ANO4: variants seen among roughly 807,000 people sequenced by gnomAD.
The protein encoded by ANO4 is anoctamin 4.
A neutral mutation model predicts 141.9 loss-of-function variants in ANO4; 69 were observed. The ratio of observed to expected loss-of-function variants is 0.49; its 90% CI spans 0.40 to 0.59. The LOEUF is 0.59. Ranked by LOEUF, ANO4 falls within the 20% of genes least tolerant of loss-of-function variation. The pLI, the probability that ANO4 is intolerant of heterozygous loss-of-function variation, is 0.00. For synonymous variants in ANO4, 350 were observed against 394.3 expected (o/e 0.89, Z 1.33); for missense variants, 894 against 1,162.2 (o/e 0.77, Z 3.36).
intron 20 of ANO4, 61 bp from the exon 21 acceptor site, chr12:101,097,787 A>G (rs2050042689): frequency 1.2e-6 from 2 of 1,606,544 alleles, no homozygotes; most frequent in Non-Finnish European, 1.7e-6. Context: ...TAGATTATAA[A>G]CCAGACACCC....
At chr12:100,916,314 A>G (rs944199871) in intron 2 of ANO4, among the ~76,000 whole-genome samples, 3 of 152,186 alleles carry the variant, frequency 2.0e-5, no homozygotes, top group East Asian at 3.8e-4. Flanking sequence ...GATCTATAAT[A>G]TGTCTTTCAC....
intron 1 of ANO4, among the ~76,000 whole-genome samples, chr12:100,859,502 A>G (rs1355631473): frequency 6.6e-6 from 1 of 152,192 alleles, no homozygotes; most frequent in Non-Finnish European, 1.5e-5. Context: ...TGTCCTGACT[A>G]ATACACTGAA....
In ANO4 at chr12:100,833,094, T is replaced by C. The variant is rs75040914; in HGVS notation, c.-141+38067T>C. 3.6e-3 allele frequency among the ~76,000 whole-genome samples: 542 copies of C among 152,198 alleles called. 22 individuals are homozygous for C. The East Asian group carries it at 0.09, about 25-fold the overall frequency. On this transcript the variant is annotated intron_variant, in intron 1 of 27. Coordinates refer to ENST00000392977, the MANE Select transcript of ANO4 (RefSeq NM_001286615.2). ...ATTTGTGAACACTAGAACTTCCATA[T>C]GGAAGGGACTGGGGGAGAGGATGCA...
intron 1 of ANO4, among the ~76,000 whole-genome samples, chr12:100,833,236 A>T (rs1265290447): frequency 6.6e-6 from 1 of 152,124 alleles, no homozygotes; most frequent in Non-Finnish European, 1.5e-5. Context: ...CAAAAGAATA[A>T]TTACTTCTTA....
At chr12:100,768,011 T>C (rs2033156791) in intron 3 of ANO4, among the ~76,000 whole-genome samples, 1 of 152,028 alleles carries the variant, frequency 6.6e-6, no homozygotes. Context: ...CCTGTCTCTG[T>C]GGGTGCCGCC....
At chr12:101,036,988 G>A in intron 9 of ANO4, 107 bp from the exon 10 acceptor site, 1 of 1,104,464 alleles carries the variant, frequency 9.1e-7, no homozygotes, top group African/African-American at 1.5e-5. Flanking sequence ...TAAGAGGGTT[G>A]ATAGCCTAGA....
chr12:100,960,004 A>C (rs1467195075), intron 5 of ANO4, among the ~76,000 whole-genome samples: 1 of 152,128 alleles, frequency 6.6e-6, no homozygotes, highest in South Asian at 2.1e-4. Context: ...AGGGACCCAG[A>C]TAACAGAAGC....
At chr12:100,860,120 T>C (rs1211101786) in intron 1 of ANO4, among the ~76,000 whole-genome samples, 1 of 152,170 alleles carries the variant, frequency 6.6e-6, no homozygotes, top group Non-Finnish European at 1.5e-5. Context: ...TTTAAAGCCT[T>C]ACTTAAGGAA....
At chr12:100,916,896 G>A (rs565109708) in intron 2 of ANO4, among the ~76,000 whole-genome samples, 2 of 151,568 alleles carry the variant, frequency 1.3e-5, no homozygotes, top group African/African-American at 4.8e-5. Flanking sequence ...GTATAAAAGT[G>A]CTTTGATGCC....
rs770492926 is a variant in ANO4 at position 100,971,006 on chromosome 12, C to T, written c.457-300C>T. ...CTGGGATTAAAGGCGTGAGCCACCA[C>T]GCCTGGCCTATCCTTGCTTTTCAAC... On this transcript the variant is annotated intron_variant, in intron 5 of 27. Coordinates refer to ENST00000392977, the MANE Select transcript of ANO4 (RefSeq NM_001286615.2). 2.0e-4 allele frequency among the ~76,000 whole-genome samples: 30 copies of T among 152,230 alleles called. 1 individual carries two copies. Among genetic ancestry groups the T allele is most frequent in the Non-Finnish European group, 2.9e-4 (20 of 68,042 alleles).
At chr12:100,803,614 T>G (rs1301874997) in intron 1 of ANO4, among the ~76,000 whole-genome samples, 6 of 152,170 alleles carry the variant, frequency 3.9e-5, no homozygotes, top group Admixed American at 2.0e-4. Flanking sequence ...GGAAAATGTC[T>G]CCTAGCGGTG....
rs10685175 is a variant in ANO4 at position 101,014,996 on chromosome 12, A to ATTTTTTTTTT, written c.735-5036_735-5027dup. On this transcript the variant is annotated intron_variant, in intron 8 of 27. Transcript: ENST00000392977. ...AGGTTCACACCACCACACCCAGCTAATTTTTTTTTTTGTAGAGATGGGGTC... is the reference window on the plus strand; with the variant it reads ...AGGTTCACACCACCACACCCAGCTAATTTTTTTTTTTTTTTTTTTTTGTAGAGATGGGGTC... Among the ~76,000 whole-genome samples, 179 of 143,572 alleles carry ATTTTTTTTTT rather than the reference A, an allele frequency of 1.2e-3. 8 individuals are homozygous for ATTTTTTTTTT. The highest frequency in any genetic ancestry group is 3.8e-3 in the Middle Eastern group (1 of 262). The allele number at this position is 143,572 out of a possible 152,430, so 94.2% of individuals were successfully genotyped here.
At chr12:100,906,136 A>G (rs572453292) in intron 2 of ANO4, among the ~76,000 whole-genome samples, 1 of 152,348 alleles carries the variant, frequency 6.6e-6, no homozygotes, top group African/African-American at 2.4e-5. Flanking sequence ...GTGTAGCTAC[A>G]TGAGTAAAGA....
Position 100,788,538 on chromosome 12 carries a change from C to T in ANO4, c.358+48433C>T, listed in dbSNP as rs182010784. Among the ~76,000 whole-genome samples the T allele has an allele frequency of 2.0e-3, 304 of 152,172 alleles. 1 individual carries two copies. Among genetic ancestry groups the T allele is most frequent in the Non-Finnish European group, 3.7e-3 (253 of 68,004 alleles). On this transcript the variant is annotated intron_variant, in intron 3 of 29. Coordinates refer to the ANO4 transcript ENST00000644049. Reference sequence around the variant, plus strand: ...TATTATGTATCTATATAAACTTGAACGTTGTTATACTACCCTGAGCTCCAT... The same window carrying T: ...TATTATGTATCTATATAAACTTGAATGTTGTTATACTACCCTGAGCTCCAT...
chr12:100,848,246 C>T (rs1169475575), intron 1 of ANO4, among the ~76,000 whole-genome samples: 2 of 152,016 alleles, frequency 1.3e-5, no homozygotes, highest in African/African-American at 2.4e-5. Flanking sequence ...TGGGATAGCC[C>T]AATAAAACCA....
chr12:100,856,421 T>C (rs556454426), intron 1 of ANO4, among the ~76,000 whole-genome samples: 1 of 152,290 alleles, frequency 6.6e-6, no homozygotes, highest in South Asian at 2.1e-4. Context: ...TTGTTTAGCA[T>C]CTGTTTGTAA....
intron 1 of ANO4, among the ~76,000 whole-genome samples, chr12:100,722,184 CT>C (rs1459377486): frequency 6.6e-6 from 1 of 152,062 alleles, no homozygotes; most frequent in African/African-American, 2.4e-5. Flanking sequence ...GTCCTTTTTC[CT>C]TAACATCTTT....
chr12:101,048,394 A>C lies in ANO4; in HGVS notation c.1305A>C (p.Ala435=). Residue 435 remains alanine, a synonymous_variant, in exon 14 of 28, where the codon GCA becomes GCC. Transcript: ENST00000392977. ...GATVFFAVFM[A]VWATVFLEFW... Reference sequence around the variant, plus strand: ...CTGTCTTCTTTGCTGTTTTCATGGCAGTCTGGGGTAAGTGTTCTATAACCA... The same window carrying C: ...CTGTCTTCTTTGCTGTTTTCATGGCCGTCTGGGGTAAGTGTTCTATAACCA... 1 of 1,613,644 alleles carries C rather than the reference A, an allele frequency of 6.2e-7. No individual in the cohort carries two copies.
At chr12:100,837,417 A>G (rs1759106505) in intron 1 of ANO4, among the ~76,000 whole-genome samples, 1 of 152,160 alleles carries the variant, frequency 6.6e-6, no homozygotes, top group Non-Finnish European at 1.5e-5. Context: ...TTCAGAGTTT[A>G]CACTCCCTAT....
Sources: gnomAD v4.1 joint callset for allele counts (sites outside exome capture counted in the v4.1 genomes callset) on GRCh38, gnomAD v4.1.1 for gene constraint, MANE v1.5 for transcripts, NCBI Gene and HGNC (gene_info 2026-07-23, HGNC 2026-07-21) for gene names.